The following MAN2A1 variants were observed in gnomAD, a reference collection of about 807,000 sequenced individuals.
MAN2A1 encodes the protein mannosidase alpha class 2A member 1.
In MAN2A1, 76 loss-of-function variants were observed where a neutral mutation model predicts 142.6. The observed-to-expected ratio is 0.53, with a 90% CI of 0.44 to 0.65. The LOEUF (loss-of-function observed/expected upper bound fraction) is 0.65, where lower values mean the gene tolerates loss of function less well. Among genes scored for constraint, MAN2A1 ranks in the 30% least tolerant of loss-of-function variants. The pLI is 0.00. For missense variants in MAN2A1, 1,311 were observed against 1,365.1 expected (o/e 0.96, Z 0.62); for synonymous variants, 559 against 473.2 (o/e 1.18, Z -2.35).
intron 3 of MAN2A1, among the ~76,000 whole-genome samples, chr5:109,720,702 A>G (rs925531499): frequency 2.6e-5 from 4 of 152,194 alleles, no homozygotes; most frequent in African/African-American, 7.2e-5. Flanking sequence ...AAAAATTTCA[A>G]AATATTTTGA....
At chr5:109,731,510 C>T (rs530051812) in intron 4 of MAN2A1, among the ~76,000 whole-genome samples, 1 of 96,858 alleles carries the variant, frequency 1.0e-5, no homozygotes, top group East Asian at 4.1e-4. Context: ...ATCCCTCCCC[C>T]CTCCCCCAAC....
rs151157544 is a variant in MAN2A1 at position 109,730,168 on chromosome 5, C to G, written c.707+655C>G. 5.8e-4 allele frequency among the ~76,000 whole-genome samples: 88 copies of G among 152,104 alleles called. No individual in the cohort carries two copies. In the East Asian group the frequency reaches 0.016, roughly 28 times the overall value. On this transcript the variant is annotated intron_variant, in intron 4 of 21. Transcript: ENST00000261483. The stretch of plus-strand genomic sequence containing the variant: ...AGTATCAATTTATTTGCTTTTTAGT[C>G]AGCAATATAATTTTTGAAGTTGTTG...
chr5:109,731,656 C>T (rs895575962), intron 4 of MAN2A1, among the ~76,000 whole-genome samples: 1 of 151,652 alleles, frequency 6.6e-6, no homozygotes, highest in African/African-American at 2.4e-5. Flanking sequence ...ATGATGGTTT[C>T]CAGCTTCATC....
chr5:109,837,632 C>T (rs556319054), intron 16 of MAN2A1, among the ~76,000 whole-genome samples: 2 of 152,226 alleles, frequency 1.3e-5, no homozygotes, highest in African/African-American at 2.4e-5. Context: ...ACATAGTAAG[C>T]ATCAATAACT....
intron 20 of MAN2A1, among the ~76,000 whole-genome samples, chr5:109,859,875 CT>C (rs563606570): frequency 0.13 from 16,717 of 127,408 alleles, 944 homozygotes; most frequent in Middle Eastern, 0.22. Flanking sequence ...TGTAGTTCAG[CT>C]TTTTTTTTTT....
rs576122372 is a variant in MAN2A1 at position 109,867,029 on chromosome 5, T to C, written c.*31T>C. 22 of 1,595,340 alleles carry C rather than the reference T, an allele frequency of 1.4e-5. No homozygotes were observed. In the African/African-American group the frequency reaches 2.4e-4, roughly 18 times the overall value. On this transcript the variant is annotated 3_prime_UTR_variant, in exon 22 of 22. Transcript: ENST00000261483. ...ACTTTCACATTTGGATTGAGAATCATTGGCTTTTATACCTTTCTTGGTTTG... is the reference window on the plus strand; with the variant it reads ...ACTTTCACATTTGGATTGAGAATCACTGGCTTTTATACCTTTCTTGGTTTG...
At chr5:109,764,955 C>T (rs576343354) in intron 5 of MAN2A1, among the ~76,000 whole-genome samples, 2 of 152,212 alleles carry the variant, frequency 1.3e-5, no homozygotes, top group East Asian at 3.9e-4. Flanking sequence ...TTTTCTGAAT[C>T]ATTTGAGAGT....
chr5:109,702,026 T>C (rs1750997556), intron 1 of MAN2A1, among the ~76,000 whole-genome samples: 2 of 152,190 alleles, frequency 1.3e-5, no homozygotes, highest in African/African-American at 2.4e-5. Context: ...ATGAGCTCAC[T>C]TGGGGACTGT....
At chr5:109,694,946 G>A (rs1750772173) in intron 1 of MAN2A1, among the ~76,000 whole-genome samples, 1 of 152,164 alleles carries the variant, frequency 6.6e-6, no homozygotes, top group African/African-American at 2.4e-5. Context: ...TTTGTATGAG[G>A]GAGATTGTCT....
intron 16 of MAN2A1, among the ~76,000 whole-genome samples, chr5:109,839,027 A>G (rs999746972): frequency 6.6e-6 from 1 of 152,182 alleles, no homozygotes; most frequent in African/African-American, 2.4e-5. Flanking sequence ...CATTTCATGT[A>G]TTCTGTTGAT....
chr5:109,848,968 G>A (rs1023333403), intron 19 of MAN2A1, among the ~76,000 whole-genome samples: 10 of 152,172 alleles, frequency 6.6e-5, no homozygotes, highest in African/African-American at 2.2e-4. Context: ...AGCTCTTTCC[G>A]ATGTCAGTAG....
chr5:109,807,500 G>A (rs771885003), intron 12 of MAN2A1, among the ~76,000 whole-genome samples: 2 of 152,152 alleles, frequency 1.3e-5, no homozygotes, highest in Non-Finnish European at 2.9e-5. Context: ...GGCTCTGAGG[G>A]GAGAATCATT....
At chr5:109,690,643 G>T in intron 1 of MAN2A1, 91 bp downstream of exon 1, 1 of 1,413,564 alleles carries the variant, frequency 7.1e-7, no homozygotes, top group Non-Finnish European at 9.6e-7. Context: ...TCCTCCCGCC[G>T]CGGCCCCACA....
At chr5:109,710,035 A>G (rs1306982991) in intron 1 of MAN2A1, among the ~76,000 whole-genome samples, 1 of 152,224 alleles carries the variant, frequency 6.6e-6, no homozygotes, top group African/African-American at 2.4e-5. Context: ...GTTCATTTCA[A>G]GAATTTCACC....
chr5:109,790,032 A>G (rs1050811037), intron 12 of MAN2A1, among the ~76,000 whole-genome samples: 2 of 151,906 alleles, frequency 1.3e-5, no homozygotes, highest in Middle Eastern at 3.2e-3. Flanking sequence ...AAGGGTGTTC[A>G]GTGACCTTAA....
intron 1 of MAN2A1, among the ~76,000 whole-genome samples, chr5:109,702,033 CTG>C (rs977070282): frequency 1.3e-5 from 2 of 152,306 alleles, no homozygotes; most frequent in East Asian, 1.9e-4. Flanking sequence ...CACTTGGGGA[CTG>C]TGCTTAGTGA....
At chr5:109,743,359 A>G (rs962076516) in intron 4 of MAN2A1, among the ~76,000 whole-genome samples, 2 of 152,188 alleles carry the variant, frequency 1.3e-5, no homozygotes, top group East Asian at 1.9e-4. Context: ...GTTAGTGGCA[A>G]TAGTAAGAGA....
chr5:109,820,813 T>A (rs953746486), intron 15 of MAN2A1, among the ~76,000 whole-genome samples: 1 of 152,076 alleles, frequency 6.6e-6, no homozygotes, highest in South Asian at 2.1e-4. Context: ...GATAAATAGT[T>A]TTTTAGAGTT....
chr5:109,737,338 TG>T (rs1457455604), intron 4 of MAN2A1, among the ~76,000 whole-genome samples: 2 of 152,114 alleles, frequency 1.3e-5, no homozygotes, highest in Admixed American at 1.3e-4. Flanking sequence ...CCTTGAACTC[TG>T]GTCTTGAACT....
Sources: allele counts gnomAD v4.1 joint callset (sites outside exome capture counted in the v4.1 genomes callset), GRCh38; gene constraint gnomAD v4.1.1; transcripts MANE v1.5; gene names NCBI Gene and HGNC (gene_info 2026-07-23, HGNC 2026-07-21).